The following EXOC4 variants were observed in gnomAD, a reference collection of about 807,000 sequenced individuals.
The protein encoded by EXOC4 is SEC8-like 1.
In EXOC4, 71 loss-of-function variants were observed where a neutral mutation model predicts 107.2. That is an observed-to-expected ratio of 0.66 (90% CI 0.55 to 0.81). The LOEUF (loss-of-function observed/expected upper bound fraction) is 0.81, where lower values mean the gene tolerates loss of function less well. EXOC4 is among the 30% of genes least tolerant of loss of function. The pLI is 0.00. For synonymous variants in EXOC4, 456 were observed against 441.2 expected, an observed-to-expected ratio of 1.03 and a Z score of -0.42; for missense variants, 1,108 against 1,189.6, an observed-to-expected ratio of 0.93 and a Z score of 1.01.
At chr7:133,942,809 G>A (rs765034918) in intron 14 of EXOC4, among the ~76,000 whole-genome samples, 1 of 152,108 alleles carries the variant, frequency 6.6e-6, no homozygotes, top group Non-Finnish European at 1.5e-5. Context: ...ATTTTCTTGT[G>A]CCTAAACAGA....
At chr7:133,978,797 G>T (rs1793902978) in intron 14 of EXOC4, among the ~76,000 whole-genome samples, 1 of 152,208 alleles carries the variant, frequency 6.6e-6, no homozygotes, top group Non-Finnish European at 1.5e-5. Context: ...TGTAAGAAGA[G>T]AATCCTGCCT....
rs151199039 is a variant in EXOC4 at position 133,777,279 on chromosome 7, A to AAGAGAG, written c.1515-40008_1515-40003dup. On this transcript the variant is annotated intron_variant, in intron 10 of 17. Coordinates refer to ENST00000253861, the MANE Select transcript of EXOC4 (RefSeq NM_021807.4). The stretch of plus-strand genomic sequence containing the variant: ...CTGTGCTTAGTCTAAGAGAGAGAGA[A>AAGAGAG]AGAGAGAGAGAGAGAGAGAGAGAGA... Among the ~76,000 whole-genome samples, 6 of 1,786 alleles carry AAGAGAG rather than the reference A, an allele frequency of 3.4e-3. 1 individual carries two copies. Among genetic ancestry groups the AAGAGAG allele is most frequent in the African/African-American group, 4.5e-3 (6 of 1,334 alleles). 1.2% of individuals were successfully genotyped at this position (1,786 alleles called of 152,430 possible).
At position 133,941,851 on chromosome 7, in the gene EXOC4, C is replaced by CTCTCTCTCTCTCTT. The variant is rs1330545954; in HGVS notation, c.2206+3782_2206+3783insTCTCTCTCTCTCTT. Among the ~76,000 whole-genome samples, 123 of 151,906 alleles carry CTCTCTCTCTCTCTT rather than the reference C, an allele frequency of 8.1e-4. 2 individuals are homozygous for CTCTCTCTCTCTCTT. Among genetic ancestry groups the CTCTCTCTCTCTCTT allele is most frequent in the Non-Finnish European group, 1.4e-3 (96 of 67,942 alleles). On this transcript the variant is annotated intron_variant, in intron 14 of 17. Coordinates refer to ENST00000253861, the MANE Select transcript of EXOC4 (RefSeq NM_021807.4). ...TCTCTCTCTCTCTCTCTCTCTCTCT[C>CTCTCTCTCTCTCTT]GGATCTAAGTTTCTACATGTTTTCC...
intron 7 of EXOC4, among the ~76,000 whole-genome samples, chr7:133,436,204 C>T (rs1338281758): frequency 1.3e-5 from 2 of 152,064 alleles, no homozygotes; most frequent in Non-Finnish European, 1.5e-5. Flanking sequence ...CCCAGAGTGG[C>T]GTGGGCCTTC....
chr7:133,976,044 T>A (rs1793825235), intron 14 of EXOC4, among the ~76,000 whole-genome samples: 1 of 152,144 alleles, frequency 6.6e-6, no homozygotes. Context: ...CAATCACAGA[T>A]GAGTGCATAT....
intron 9 of EXOC4, among the ~76,000 whole-genome samples, chr7:133,494,446 G>A (rs975475427): frequency 6.6e-6 from 1 of 152,130 alleles, no homozygotes; most frequent in Non-Finnish European, 1.5e-5. Context: ...TGCTGAAAGA[G>A]GACTGATAAA....
At chr7:133,438,699 A>T (rs1798032914) in intron 7 of EXOC4, among the ~76,000 whole-genome samples, 1 of 152,244 alleles carries the variant, frequency 6.6e-6, no homozygotes, top group Non-Finnish European at 1.5e-5. Context: ...GCTAACTGCC[A>T]TCCTTTATCT....
rs538847118 is a variant in EXOC4, at chr7:133,651,837, A to G, written c.1514+21696A>G. On this transcript the variant is annotated intron_variant, in intron 10 of 17. Transcript: ENST00000253861. ...ATAACTGGGATTACAGGCATGCACG[A>G]CCACACCTGGCTAATTTTTGTATTT... 5.9e-5 allele frequency among the ~76,000 whole-genome samples: 9 copies of G among 152,198 alleles called. No homozygotes were observed. In the South Asian group the frequency reaches 1.9e-3, roughly 32 times the overall value.
chr7:133,466,854 T>G (rs1798741553), intron 7 of EXOC4, among the ~76,000 whole-genome samples: 1 of 152,236 alleles, frequency 6.6e-6, no homozygotes, highest in South Asian at 2.1e-4. Context: ...TGTATTACCA[T>G]AAAATAAAGA....
At chr7:133,453,148 A>C (rs1159142580) in intron 7 of EXOC4, among the ~76,000 whole-genome samples, 1 of 152,258 alleles carries the variant, frequency 6.6e-6, no homozygotes, top group African/African-American at 2.4e-5. Context: ...GCTGTGAATT[A>C]TAAATAATAC....
intron 9 of EXOC4, among the ~76,000 whole-genome samples, chr7:133,621,068 T>G (rs1034694443): frequency 1.3e-5 from 2 of 152,198 alleles, no homozygotes; most frequent in Non-Finnish European, 2.9e-5. Context: ...ATAGAAACAT[T>G]GGGCACTGCT....
chr7:133,618,819 T>G (rs1802257116), intron 9 of EXOC4, among the ~76,000 whole-genome samples: 1 of 152,136 alleles, frequency 6.6e-6, no homozygotes, highest in Non-Finnish European at 1.5e-5. Flanking sequence ...AAATGATGAT[T>G]ATTTTTGTCA....
intron 10 of EXOC4, among the ~76,000 whole-genome samples, chr7:133,728,763 G>T (rs1415201642): frequency 6.6e-6 from 1 of 152,092 alleles, no homozygotes; most frequent in African/African-American, 2.4e-5. Flanking sequence ...AGACCTTGAA[G>T]GTTTTCTAGC....
chr7:133,383,208 CA>C (rs1336852754), intron 7 of EXOC4, among the ~76,000 whole-genome samples: 1 of 152,104 alleles, frequency 6.6e-6, no homozygotes, highest in Non-Finnish European at 1.5e-5. Flanking sequence ...TTCTGCATAG[CA>C]AAGGAAGAGG....
intron 11 of EXOC4, among the ~76,000 whole-genome samples, chr7:133,855,925 C>T (rs1401103514): frequency 1.3e-5 from 2 of 152,194 alleles, no homozygotes; most frequent in Admixed American, 6.5e-5. Context: ...CGTAGGTTGT[C>T]ACCCATATAA....
At chr7:133,557,381 TGTTAA>T (rs1330249806) in intron 9 of EXOC4, among the ~76,000 whole-genome samples, 6 of 152,180 alleles carry the variant, frequency 3.9e-5, no homozygotes, top group African/African-American at 1.4e-4. Flanking sequence ...ACATAATAAT[TGTTAA>T]GTTGTGTATT....
chr7:133,376,527 A>G (rs561394702), intron 7 of EXOC4, among the ~76,000 whole-genome samples: 3 of 152,316 alleles, frequency 2.0e-5, no homozygotes, highest in African/African-American at 7.2e-5. Flanking sequence ...TCAGCTGAGA[A>G]AAAAGAACAC....
At chr7:133,831,435 T>G (rs1797808815) in intron 11 of EXOC4, among the ~76,000 whole-genome samples, 1 of 152,228 alleles carries the variant, frequency 6.6e-6, no homozygotes. Flanking sequence ...CAGTATAGAC[T>G]TATAGATTTG....
intron 9 of EXOC4, among the ~76,000 whole-genome samples, chr7:133,563,494 G>A (rs1043571532): frequency 3.3e-5 from 5 of 152,024 alleles, no homozygotes; most frequent in Non-Finnish European, 5.9e-5. Flanking sequence ...TGCTTGTGTC[G>A]AAAAAGTAAG....
Sources: gnomAD v4.1 joint callset for allele counts (sites outside exome capture counted in the v4.1 genomes callset) on GRCh38, gnomAD v4.1.1 for gene constraint, MANE v1.5 for transcripts, NCBI Gene and HGNC (gene_info 2026-07-23, HGNC 2026-07-21) for gene names.